DCC: variants seen among roughly 807,000 people sequenced by gnomAD.
DCC encodes netrin receptor DCC.
Under a neutral mutation model 172.5 loss-of-function variants are expected in DCC, and 58 were observed. That is an observed-to-expected ratio of 0.34 (90% CI 0.27 to 0.42). The LOEUF (loss-of-function observed/expected upper bound fraction) is 0.42, where lower values mean the gene tolerates loss of function less well. DCC is among the 10% of genes least tolerant of loss of function. DCC has a pLI of 1.00. For synonymous variants in DCC, 709 were observed against 644.5 expected, an observed-to-expected ratio of 1.10 and a Z score of -1.52; for missense variants, 1,740 against 1,791.0, an observed-to-expected ratio of 0.97 and a Z score of 0.51.
At chr18:53,111,529 C>T (rs562654801) in intron 7 of DCC, among the ~76,000 whole-genome samples, 1 of 150,932 alleles carries the variant, frequency 6.6e-6, no homozygotes, top group Non-Finnish European at 1.5e-5. Flanking sequence ...AAAATGTCCA[C>T]TCTGATATCC....
chr18:53,036,699 T>C (rs769638141), intron 5 of DCC, among the ~76,000 whole-genome samples: 2 of 152,046 alleles, frequency 1.3e-5, no homozygotes, highest in Non-Finnish European at 2.9e-5. Flanking sequence ...CTATTCAATA[T>C]GCACCCCTAA....
chr18:52,873,562 A>G (rs186175516), intron 2 of DCC, among the ~76,000 whole-genome samples: 41 of 152,324 alleles, frequency 2.7e-4, no homozygotes, highest in East Asian at 7.7e-4. Flanking sequence ...AGGTTTGATC[A>G]TTTGTCAATA....
At chr18:53,393,157 GT>G (rs5825016) in intron 17 of DCC, among the ~76,000 whole-genome samples, 114,083 of 151,944 alleles carry the variant, frequency 0.75, 44,264 homozygotes, top group Non-Finnish European at 0.86. Context: ...TTTCGAGGAT[GT>G]TTTTTAACCC....
At chr18:52,816,373 C>T (rs1167125190) in intron 2 of DCC, among the ~76,000 whole-genome samples, 1 of 152,214 alleles carries the variant, frequency 6.6e-6, no homozygotes, top group Non-Finnish European at 1.5e-5. Flanking sequence ...TCTGGTGGGT[C>T]ATCCAGGCTC....
intron 13 of DCC, among the ~76,000 whole-genome samples, chr18:53,311,377 C>T (rs1018386093): frequency 6.6e-6 from 1 of 152,144 alleles, no homozygotes; most frequent in African/African-American, 2.4e-5. Context: ...CTCTCCTTGG[C>T]CTCCCAAAGT....
intron 1 of DCC, among the ~76,000 whole-genome samples, chr18:52,577,854 C>T (rs775443516): frequency 2.0e-5 from 3 of 152,098 alleles, no homozygotes; most frequent in African/African-American, 7.2e-5. Flanking sequence ...TCAAGAGATG[C>T]CAGGCTTAAT....
intron 25 of DCC, among the ~76,000 whole-genome samples, chr18:53,478,909 C>T (rs2045799760): frequency 6.6e-6 from 1 of 152,220 alleles, no homozygotes; most frequent in Non-Finnish European, 1.5e-5. Context: ...AGGGACTCGT[C>T]TGTGAGACGA....
intron 1 of DCC, among the ~76,000 whole-genome samples, chr18:52,574,677 G>A (rs1272132316): frequency 6.6e-6 from 1 of 152,140 alleles, no homozygotes; most frequent in Non-Finnish European, 1.5e-5. Context: ...TATAGTTTTA[G>A]GCCATGAAAG....
intron 12 of DCC, among the ~76,000 whole-genome samples, chr18:53,296,030 A>G (rs1020343766): frequency 3.3e-5 from 5 of 152,220 alleles, no homozygotes; most frequent in African/African-American, 1.2e-4. Flanking sequence ...TTTCTCAATA[A>G]GTATTCATAG....
chr18:52,987,269 C>T (rs548200234), intron 5 of DCC, among the ~76,000 whole-genome samples: 2 of 152,302 alleles, frequency 1.3e-5, no homozygotes, highest in South Asian at 4.1e-4. Flanking sequence ...TCTGTCCCAA[C>T]AGCCCATGCA....
intron 5 of DCC, among the ~76,000 whole-genome samples, chr18:53,036,120 T>C (rs2042089027): frequency 6.6e-6 from 1 of 152,000 alleles, no homozygotes; most frequent in South Asian, 2.1e-4. Context: ...TTATAGTGCC[T>C]GATTCATTTC....
At chr18:53,270,333 A>G (rs1199160313) in intron 12 of DCC, among the ~76,000 whole-genome samples, 1 of 152,164 alleles carries the variant, frequency 6.6e-6, no homozygotes, top group Non-Finnish European at 1.5e-5. Context: ...AACTATAGTA[A>G]GGAATTCCTA....
chr18:52,395,213 A>C (rs971613144), intron 1 of DCC, among the ~76,000 whole-genome samples: 1 of 152,094 alleles, frequency 6.6e-6, no homozygotes, highest in Non-Finnish European at 1.5e-5. Context: ...AGGTAGATCA[A>C]GAGTATTTTT....
intron 5 of DCC, among the ~76,000 whole-genome samples, chr18:52,941,353 T>A (rs1379199839): frequency 6.6e-6 from 1 of 152,114 alleles, no homozygotes; most frequent in Non-Finnish European, 1.5e-5. Context: ...TATGGATATT[T>A]TAGTGTTTAA....
At chr18:53,204,086 TAAC>T in intron 9 of DCC, among the ~76,000 whole-genome samples, 1 of 141,984 alleles carries the variant, frequency 7.0e-6, no homozygotes, top group African/African-American at 3.1e-5. Context: ...TACATTTGAT[TAAC>T]AATGTAAACA....
intron 1 of DCC, among the ~76,000 whole-genome samples, chr18:52,561,455 C>CATAT (rs757279365): frequency 6.7e-6 from 1 of 149,500 alleles, no homozygotes; most frequent in African/African-American, 2.5e-5. Flanking sequence ...GCTACACACA[C>CATAT]ATATATATAT....
intron 12 of DCC, among the ~76,000 whole-genome samples, chr18:53,292,122 C>A (rs538190097): frequency 2.6e-5 from 4 of 151,148 alleles, no homozygotes; most frequent in South Asian, 4.2e-4. Context: ...CACCCCCCCC[C>A]CCTTTTTTCC....
chr18:53,224,397 C>G (rs562572143), intron 12 of DCC, among the ~76,000 whole-genome samples: 2 of 152,272 alleles, frequency 1.3e-5, no homozygotes, highest in Non-Finnish European at 2.9e-5. Flanking sequence ...CCGGCCAGAT[C>G]TGGCGGGGCT....
chr18:53,285,385 T>C (rs1177256460), intron 12 of DCC, among the ~76,000 whole-genome samples: 1 of 152,168 alleles, frequency 6.6e-6, no homozygotes, highest in Admixed American at 6.5e-5. Context: ...GAGGCCAAGG[T>C]ACAGCTCTAG....
Sources: gnomAD v4.1 joint callset for allele counts (sites outside exome capture counted in the v4.1 genomes callset) on GRCh38, gnomAD v4.1.1 for gene constraint, MANE v1.5 for transcripts, NCBI Gene and HGNC (gene_info 2026-07-23, HGNC 2026-07-21) for gene names.